CPSF7: variants seen among roughly 807,000 people sequenced by gnomAD.
CPSF7 encodes the protein cleavage and polyadenylation specificity factor subunit 7.
A neutral mutation model predicts 44.3 loss-of-function variants in CPSF7; 1 was observed. That is an observed-to-expected ratio of 0.02 (90% CI 0.01 to 0.11). The LOEUF (loss-of-function observed/expected upper bound fraction) is 0.11, where lower values mean the gene tolerates loss of function less well. Among genes scored for constraint, CPSF7 ranks in the 10% least tolerant of loss-of-function variants. The probability of loss-of-function intolerance (pLI) is 1.00; values close to 1 mark genes in which losing one functional copy is unlikely to be tolerated. For synonymous variants in CPSF7, 202 were observed against 222.0 expected, an observed-to-expected ratio of 0.91 and a Z score of 0.80; for missense variants, 443 against 607.2, an observed-to-expected ratio of 0.73 and a Z score of 2.84.
rs1861729355 is a variant in CPSF7, at chr11:61,429,445, C to T, written c.-55-155G>A. On this transcript the variant is annotated intron_variant, in intron 1 of 9. Coordinates refer to ENST00000439958, the MANE Select transcript of CPSF7 (RefSeq NM_001142565.3). ...CCGCCCCGCCCCCGGCCTCGCGCCG[C>T]CCACCGCTCTCCCAGGCCGCCGGGG... The T allele has an allele frequency of 1.1e-5, 6 of 534,818 alleles. No individual in the cohort carries two copies. The South Asian group carries it at 1.6e-4, about 14-fold the overall frequency. 33.1% of individuals were successfully genotyped at this position (534,818 alleles called of 1,614,324 possible). A position where few individuals can be genotyped will look rare whatever the true frequency, so the allele number is the denominator to read the frequency against.
Position 61,419,902 on chromosome 11 carries a change from T to C in CPSF7, c.523+47A>G, listed in dbSNP as rs1238197093. ...CAAACCCACAAACACCCCCCCCTCA[T>C]ACAGATGGTCTCCACGTACCCCCTC... On this transcript the variant is annotated intron_variant, in intron 5 of 9. Coordinates refer to ENST00000439958, the MANE Select transcript of CPSF7 (RefSeq NM_001142565.3). 8.5e-6 allele frequency: 13 copies of C among 1,523,216 alleles called. No individual in the cohort carries two copies. The African/African-American group carries it at 1.1e-4, about 13-fold the overall frequency. 94.4% of individuals were successfully genotyped at this position (1,523,216 alleles called of 1,614,324 possible). A position where few individuals can be genotyped will look rare whatever the true frequency, so the allele number is the denominator to read the frequency against.
chr11:61,415,956 T>C (rs763033266), intron 6 of CPSF7, 149 bp downstream of exon 6: 8 of 871,348 alleles, frequency 9.2e-6, no homozygotes, highest in Non-Finnish European at 1.2e-5. Context: ...ATAAAGGACA[T>C]GGTACTACTT....
At chr11:61,421,057 T>G in intron 3 of CPSF7, 1 of 1,336,586 alleles carries the variant, frequency 7.5e-7, no homozygotes. Flanking sequence ...CACCCACCAT[T>G]ATCACAGGAC....
In CPSF7 at chr11:61,416,147, T is replaced by A; in HGVS notation, c.896A>T (p.Asp299Val). 6.6e-7 allele frequency: 1 copy of A among 1,510,066 alleles called. No homozygotes were observed. Among genetic ancestry groups the A allele is most frequent in the Non-Finnish European group, 8.8e-7 (1 of 1,131,400 alleles). The allele number at this position is 1,510,066 out of a possible 1,614,324, so 93.5% of individuals were successfully genotyped here. ...GGGGGCAGAGGCCTTCATGTAAGTATCTGGTGGAGGCCCCACTGTAGCGTT... is the reference window on the plus strand; with the variant it reads ...GGGGGCAGAGGCCTTCATGTAAGTAACTGGTGGAGGCCCCACTGTAGCGTT... The part of the protein sequence containing the change: ...PPNATVGPPP[D>V]TYMKASAPYN... Residue 299 changes from aspartate to valine, a missense_variant, in exon 6 of 10, where the codon GAT becomes GTT. By Grantham distance (152) the Asp-to-Val change is radical. Transcript: ENST00000439958.
At chr11:61,413,014 G>A (rs1859990840) in intron 7 of CPSF7, among the ~76,000 whole-genome samples, 1 of 152,112 alleles carries the variant, frequency 6.6e-6, no homozygotes, top group East Asian at 1.9e-4. Context: ...AAGAGCAGTG[G>A]TATGATCATA....
chr11:61,425,034 T>G (rs565341749), intron 2 of CPSF7, among the ~76,000 whole-genome samples: 17 of 152,322 alleles, frequency 1.1e-4, no homozygotes, highest in African/African-American at 3.8e-4. Context: ...CCCTTAAGAA[T>G]AGGATAGACT....
intron 1 of CPSF7, chr11:61,429,705 C>T: frequency 6.5e-6 from 10 of 1,529,664 alleles, no homozygotes; most frequent in South Asian, 1.2e-5. Context: ...GCCCCCAACC[C>T]AGGCCTACTC....
rs752183454 is a variant in CPSF7, at chr11:61,416,091, A to T, written c.938+14T>A. The T allele has an allele frequency of 6.7e-7, 1 of 1,496,976 alleles. No homozygotes were observed. 92.7% of individuals were successfully genotyped at this position (1,496,976 alleles called of 1,614,324 possible). ...TTACCCTGGCTCAAATCTGAAAGGA[A>T]CAATAGTCCTTACCTGCCATGGTGG... On this transcript the variant is annotated intron_variant, in intron 6 of 9. Coordinates refer to ENST00000439958, the MANE Select transcript of CPSF7 (RefSeq NM_001142565.3).
At chr11:61,415,580 G>T (rs768765971) in intron 7 of CPSF7, 86 bp downstream of exon 7, 35 of 863,736 alleles carry the variant, frequency 4.1e-5, no homozygotes, top group Admixed American at 9.2e-5. Context: ...ACTTTATCTT[G>T]TTGAACTTTT....
chr11:61,408,788 C>A (rs1859569023), intron 9 of CPSF7, among the ~76,000 whole-genome samples: 1 of 152,182 alleles, frequency 6.6e-6, no homozygotes, highest in Non-Finnish European at 1.5e-5. Context: ...GTCTGGATGA[C>A]ACAGCCAGAG....
rs1404641756 is a variant in CPSF7, at chr11:61,421,602, C to G, written c.61G>C (p.Glu21Gln). 6.2e-7 allele frequency: 1 copy of G among 1,612,464 alleles called. No individual in the cohort carries two copies. The highest frequency in any genetic ancestry group is 8.5e-7 in the Non-Finnish European group (1 of 1,179,358). ...YADEEFNQDP[E>Q]FNNTDQIDLY... is the part of the protein sequence containing the mutation. ...TCAATCTGATCTGTATTGTTGAACT[C>G]TGGGTCCTAAGAGATGAGGGGTTGG... The change falls in exon 3 of 10, where the codon GAG (glutamate) becomes CAG (glutamine). Residue 21 changes from glutamate to glutamine, a missense_variant. By Grantham distance (29) the Glu-to-Gln change is conservative. Coordinates refer to ENST00000439958, the MANE Select transcript of CPSF7 (RefSeq NM_001142565.3).
At chr11:61,421,637 G>A in intron 2 of CPSF7, 29 bp from the exon 3 acceptor site, 1 of 1,488,646 alleles carries the variant, frequency 6.7e-7, no homozygotes, top group South Asian at 1.1e-5. Context: ...GCAAAGGTAG[G>A]TCTGCAAACT....
In CPSF7 at chr11:61,429,173, A is replaced by C. The variant is rs1264919896; in HGVS notation, c.54+9T>G. 6.7e-7 allele frequency: 1 copy of C among 1,502,718 alleles called. No homozygotes were observed. The highest frequency in any genetic ancestry group is 1.1e-5 in the South Asian group (1 of 88,274). The allele number at this position is 1,502,718 out of a possible 1,614,324, so 93.1% of individuals were successfully genotyped here. A position where few individuals can be genotyped will look rare whatever the true frequency, so the allele number is the denominator to read the frequency against. On this transcript the variant is annotated intron_variant, in intron 2 of 9. Coordinates refer to ENST00000439958, the MANE Select transcript of CPSF7 (RefSeq NM_001142565.3). ...AAGGAAAATCCCAAAGCTCCTGATG[A>C]CACCTCACCTGGTTGAACTCCTCGT...
intron 5 of CPSF7, among the ~76,000 whole-genome samples, chr11:61,418,962 C>T (rs1245643428): frequency 6.6e-6 from 1 of 152,020 alleles, no homozygotes; most frequent in Non-Finnish European, 1.5e-5. Flanking sequence ...CAGGTATCTG[C>T]CCGCCTCAGC....
At position 61,403,513 on chromosome 11, in the gene CPSF7, T is replaced by C. The variant is rs1859057364; in HGVS notation, c.*1197A>G. The C allele has an allele frequency of 6.6e-6, 1 of 152,142 alleles. No individual in the cohort carries two copies. The highest frequency in any genetic ancestry group is 2.4e-5 in the African/African-American group (1 of 41,430). 9.4% of individuals were successfully genotyped at this position (152,142 alleles called of 1,614,324 possible). On this transcript the variant is annotated 3_prime_UTR_variant, in exon 10 of 10. Coordinates refer to ENST00000439958, the MANE Select transcript of CPSF7 (RefSeq NM_001142565.3). Reference sequence around the variant, plus strand: ...CTGAGTTCATTCAAGTCGGGCTCTGTTTCTTCTGGCTCCTCATCTGAGGCA... The same window carrying C: ...CTGAGTTCATTCAAGTCGGGCTCTGCTTCTTCTGGCTCCTCATCTGAGGCA...
At chr11:61,419,897 C>T (rs7940494) in intron 5 of CPSF7, 52 bp downstream of exon 5, 16 of 1,601,444 alleles carry the variant, frequency 1.0e-5, no homozygotes, top group Non-Finnish European at 1.3e-5. Flanking sequence ...AACACCCCCC[C>T]CTCATACAGA....
chr11:61,421,496 C>A lies in CPSF7; in HGVS notation c.167G>T (p.Arg56Leu), dbSNP rs200597857. The A allele has an allele frequency of 1.9e-6, 3 of 1,613,978 alleles. No homozygotes were observed. The highest frequency in any genetic ancestry group is 2.5e-6 in the Non-Finnish European group (3 of 1,179,950). Residue 56 changes from arginine (R) to leucine (L), a missense_variant, in exon 3 of 10, where the codon CGC becomes CTC. Arg to Leu is a moderately radical substitution (Grantham distance 102, BLOSUM62 -2). Coordinates refer to ENST00000439958, the MANE Select transcript of CPSF7 (RefSeq NM_001142565.3). ...GTTGGGCTTGGGAGATGGCTCCTGGCGAACAGGAGGAGGTGGTTCAGTGCT... is the reference window on the plus strand; with the variant it reads ...GTTGGGCTTGGGAGATGGCTCCTGGAGAACAGGAGGAGGTGGTTCAGTGCT... Reference protein sequence around the residue: ...SSSTEPPPPVRQEPSPKPNNK... With the variant: ...SSSTEPPPPVLQEPSPKPNNK...
At chr11:61,409,705 G>C (rs1468997583) in intron 9 of CPSF7, among the ~76,000 whole-genome samples, 1 of 150,760 alleles carries the variant, frequency 6.6e-6, no homozygotes, top group Non-Finnish European at 1.5e-5. Context: ...GCCAGGCATG[G>C]TGGCTCACGC....
intron 7 of CPSF7, among the ~76,000 whole-genome samples, chr11:61,413,615 T>C (rs977130885): frequency 7.1e-6 from 1 of 140,776 alleles, no homozygotes; most frequent in African/African-American, 2.7e-5. Context: ...GCTTGGGCAA[T>C]AGAGCCAGAC....
Sources: allele counts gnomAD v4.1 joint callset (sites outside exome capture counted in the v4.1 genomes callset), GRCh38; gene constraint gnomAD v4.1.1; transcripts MANE v1.5; gene names NCBI Gene and HGNC (gene_info 2026-07-23, HGNC 2026-07-21).